Variants in COL19A1 observed in about 807,000 individuals in gnomAD.
COL19A1 encodes collagen alpha-1(XIX) chain.
COL19A1 carries 159 observed loss-of-function variants against 190.2 expected under a neutral mutation model. The observed-to-expected ratio is 0.84, with a 90% CI of 0.73 to 0.95. The LOEUF (loss-of-function observed/expected upper bound fraction) is 0.95. Ranked by LOEUF, COL19A1 falls within the 40% of genes least tolerant of loss-of-function variation. The pLI, the probability that COL19A1 is intolerant of heterozygous loss-of-function variation, is 0.00. For missense variants in COL19A1, 1,418 were observed against 1,431.9 expected (o/e 0.99, Z 0.16); for synonymous variants, 509 against 458.9 (o/e 1.11, Z -1.39).
At chr6:70,053,170 A>G (rs1780303071) in intron 14 of COL19A1, among the ~76,000 whole-genome samples, 1 of 152,170 alleles carries the variant, frequency 6.6e-6, no homozygotes, top group South Asian at 2.1e-4. Flanking sequence ...TATTTTACTT[A>G]CTATTATTTG....
intron 9 of COL19A1, among the ~76,000 whole-genome samples, chr6:69,946,546 C>T (rs891946199): frequency 1.3e-5 from 2 of 151,796 alleles, no homozygotes; most frequent in African/African-American, 4.8e-5. Context: ...TGATTTTTTA[C>T]AATTTATTAT....
chr6:69,964,452 A>G (rs1263362698), intron 11 of COL19A1, among the ~76,000 whole-genome samples: 4 of 152,330 alleles, frequency 2.6e-5, no homozygotes, highest in East Asian at 3.9e-4. Context: ...ACCTGTAGGA[A>G]TAAGTAGTGA....
chr6:70,034,970 T>A lies in COL19A1; in HGVS notation c.1134+672T>A, dbSNP rs544049498. Reference sequence around the variant, plus strand: ...TTCCCAGTGACTGATTTAAGCCACTTCAGTGTTCCCTTAGCAACTGTTGGC... The same window carrying A: ...TTCCCAGTGACTGATTTAAGCCACTACAGTGTTCCCTTAGCAACTGTTGGC... On this transcript the variant is annotated intron_variant, in intron 13 of 50. Coordinates refer to ENST00000620364, the MANE Select transcript of COL19A1 (RefSeq NM_001858.6). 2.6e-5 allele frequency among the ~76,000 whole-genome samples: 4 copies of A among 152,342 alleles called. No homozygotes were observed. The South Asian group carries it at 8.3e-4, about 32-fold the overall frequency.
intron 14 of COL19A1, among the ~76,000 whole-genome samples, chr6:70,065,768 A>C (rs1268918721): frequency 6.6e-6 from 1 of 152,208 alleles, no homozygotes; most frequent in African/African-American, 2.4e-5. Context: ...ACAAGAAAAA[A>C]ACAAACAACC....
chr6:70,053,732 TCA>T (rs1322311234), intron 14 of COL19A1, among the ~76,000 whole-genome samples: 2 of 152,216 alleles, frequency 1.3e-5, no homozygotes, highest in Non-Finnish European at 2.9e-5. Context: ...TTTTTAACGT[TCA>T]GTCTTTTTTG....
chr6:70,035,457 C>A (rs1460522391), intron 13 of COL19A1, among the ~76,000 whole-genome samples: 1 of 152,134 alleles, frequency 6.6e-6, no homozygotes, highest in Non-Finnish European at 1.5e-5. Flanking sequence ...TTAGAAGAGG[C>A]CATGGGACTG....
At chr6:70,106,015 ATTTT>A in intron 16 of COL19A1, among the ~76,000 whole-genome samples, 1 of 152,170 alleles carries the variant, frequency 6.6e-6, no homozygotes, top group Middle Eastern at 3.4e-3. Context: ...AGGAGGCATG[ATTTT>A]TTTATTTTTT....
At chr6:70,098,517 AT>A (rs549692123) in intron 15 of COL19A1, 29 of 468,724 alleles carry the variant, frequency 6.2e-5, no homozygotes, top group African/African-American at 5.8e-4. Context: ...GTATTATTTC[AT>A]CTTTAAGCCT....
intron 14 of COL19A1, among the ~76,000 whole-genome samples, chr6:70,038,137 G>A (rs997065289): frequency 8.5e-5 from 13 of 152,168 alleles, no homozygotes; most frequent in Admixed American, 5.2e-4. Flanking sequence ...AGTCTTTGAG[G>A]AAGCCCAAAT....
intron 11 of COL19A1, among the ~76,000 whole-genome samples, chr6:70,008,690 C>T (rs1777788058): frequency 6.6e-6 from 1 of 151,668 alleles, no homozygotes; most frequent in East Asian, 1.9e-4. Flanking sequence ...TTTTATGAGG[C>T]CAATATTACT....
At chr6:69,984,756 A>G (rs1350599990) in intron 11 of COL19A1, among the ~76,000 whole-genome samples, 1 of 152,174 alleles carries the variant, frequency 6.6e-6, no homozygotes, top group Non-Finnish European at 1.5e-5. Context: ...TTATACTTTA[A>G]TGACAATTTA....
intron 34 of COL19A1, among the ~76,000 whole-genome samples, chr6:70,158,676 G>C (rs774943190): frequency 5.9e-5 from 9 of 151,946 alleles, no homozygotes; most frequent in Non-Finnish European, 1.2e-4. Context: ...GATAATAATT[G>C]ATAAATTAGA....
intron 14 of COL19A1, among the ~76,000 whole-genome samples, chr6:70,055,844 G>A (rs1287248886): frequency 1.3e-5 from 2 of 150,384 alleles, no homozygotes; most frequent in African/African-American, 2.4e-5. Flanking sequence ...CATGTGCAGA[G>A]CTAAGTGGTG....
intron 11 of COL19A1, among the ~76,000 whole-genome samples, chr6:70,000,721 T>G (rs1423993109): frequency 6.6e-6 from 1 of 152,100 alleles, no homozygotes; most frequent in East Asian, 1.9e-4. Flanking sequence ...GGTTGTTTGC[T>G]TTTTTTCTTG....
intron 4 of COL19A1, among the ~76,000 whole-genome samples, chr6:69,906,601 A>G (rs978749501): frequency 1.3e-5 from 2 of 152,206 alleles, no homozygotes; most frequent in African/African-American, 4.8e-5. Flanking sequence ...AAAATAACAC[A>G]GATTAAATTT....
At chr6:70,061,983 T>C (rs1780861512) in intron 14 of COL19A1, among the ~76,000 whole-genome samples, 1 of 151,906 alleles carries the variant, frequency 6.6e-6, no homozygotes, top group South Asian at 2.1e-4. Flanking sequence ...CTTGATTATA[T>C]ATCATTTGGC....
At chr6:69,960,691 G>A (rs1227909309) in intron 10 of COL19A1, among the ~76,000 whole-genome samples, 3 of 147,070 alleles carry the variant, frequency 2.0e-5, no homozygotes, top group Non-Finnish European at 3.0e-5. Context: ...GTGCAGTGGC[G>A]CGATCTTGGC....
chr6:70,085,619 A>T (rs1488665803), intron 15 of COL19A1, among the ~76,000 whole-genome samples: 2 of 152,168 alleles, frequency 1.3e-5, no homozygotes, highest in Admixed American at 1.3e-4. Context: ...GTACTATTTG[A>T]AATGTTTTGT....
chr6:69,947,343 C>A (rs947645005), intron 9 of COL19A1, among the ~76,000 whole-genome samples: 1 of 151,754 alleles, frequency 6.6e-6, no homozygotes, highest in Non-Finnish European at 1.5e-5. Flanking sequence ...TGTAATACCA[C>A]AAAGATGATT....
Sources: gnomAD v4.1 joint callset for allele counts (sites outside exome capture counted in the v4.1 genomes callset) on GRCh38, gnomAD v4.1.1 for gene constraint, MANE v1.5 for transcripts, NCBI Gene and HGNC (gene_info 2026-07-23, HGNC 2026-07-21) for gene names.